AGO1: variants seen among roughly 807,000 people sequenced by gnomAD.
AGO1 encodes protein argonaute-1.
A neutral mutation model predicts 109.2 loss-of-function variants in AGO1; 11 were observed. The ratio of observed to expected loss-of-function variants is 0.10; its 90% confidence interval spans 0.06 to 0.17. AGO1 has a LOEUF of 0.17. AGO1 is among the 10% of genes least tolerant of loss of function. The pLI, the probability that AGO1 is intolerant of heterozygous loss-of-function variation, is 1.00. For missense variants in AGO1, 574 were observed against 1,140.3 expected (o/e 0.50, Z 7.15); for synonymous variants, 422 against 418.6 (o/e 1.01, Z -0.10).
chr1:35,884,301 G>C (rs116078627), intron 1 of AGO1, among the ~76,000 whole-genome samples: 210 of 152,270 alleles, frequency 1.4e-3, no homozygotes, highest in African/African-American at 4.9e-3. Context: ...TGGGACCGAA[G>C]CGATGGGTTC....
chr1:35,895,304 T>G, intron 8 of AGO1, 35 bp downstream of exon 8: 1 of 1,600,286 alleles, frequency 6.2e-7, no homozygotes, highest in Admixed American at 1.7e-5. Context: ...GGAATAGGCA[T>G]TGTATATACC....
rs1447524690 is a variant in AGO1, at chr1:35,895,257, C to T, written c.1008C>T (p.Tyr336=). The change falls in exon 8 of 19, where the codon TAC becomes TAT. Residue 336 remains tyrosine, a synonymous_variant. Coordinates refer to ENST00000373204, the MANE Select transcript of AGO1 (RefSeq NM_012199.5). ...LQVGQEQKHT[Y]LPLEVCNIVA... is the part of the protein sequence containing the mutation. ...TTGGCCAGGAACAAAAGCATACCTA[C>T]CTTCCCCTAGAGGTGAGATTGCCAA... The T allele has an allele frequency of 6.2e-7, 1 of 1,613,262 alleles. No individual in the cohort carries two copies. The highest frequency in any genetic ancestry group is 8.5e-7 in the Non-Finnish European group (1 of 1,179,470).
At chr1:35,905,305 T>G (rs1480218588) in intron 11 of AGO1, among the ~76,000 whole-genome samples, 1 of 152,230 alleles carries the variant, frequency 6.6e-6, no homozygotes, top group Non-Finnish European at 1.5e-5. Context: ...CATGAAACAG[T>G]GGTTAGGTCG....
intron 5 of AGO1, 28 bp from the exon 6 acceptor site, chr1:35,894,009 C>T (rs1457150949): frequency 1.1e-5 from 17 of 1,525,394 alleles, no homozygotes; most frequent in African/African-American, 1.4e-5. Flanking sequence ...AGAACCTGAG[C>T]TGAGCTATCT....
At chr1:35,917,781 T>C in intron 16 of AGO1, 54 bp downstream of exon 16, 2 of 1,583,084 alleles carry the variant, frequency 1.3e-6, no homozygotes, top group East Asian at 2.3e-5. Context: ...CTTATCTTAA[T>C]AGAGAAGAAG....
In AGO1 at chr1:35,893,237, G is replaced by A. The variant is rs771183369; in HGVS notation, c.471G>A (p.Val157=). 2.5e-6 allele frequency: 4 copies of A among 1,614,002 alleles called. No individual in the cohort carries two copies. Among genetic ancestry groups the A allele is most frequent in the Admixed American group, 1.7e-5 (1 of 60,000 alleles). ...SGQIPVPLES[V]QALDVAMRHL... Reference sequence around the variant, plus strand: ...AGATCCCTGTTCCCTTGGAGTCTGTGCAAGCCCTGGATGTGGCCATGAGGC... The same window carrying A: ...AGATCCCTGTTCCCTTGGAGTCTGTACAAGCCCTGGATGTGGCCATGAGGC... Residue 157 remains valine (V), a synonymous_variant, in exon 4 of 19, where the codon GTG becomes GTA. Coordinates refer to ENST00000373204, the MANE Select transcript of AGO1 (RefSeq NM_012199.5). The surrounding 1 kb of genome is among the most constrained non-coding windows in gnomAD (Gnocchi z 5.6).
chr1:35,879,955 T>G (rs1645022395), upstream of AGO1, among the ~76,000 whole-genome samples: 1 of 151,956 alleles, frequency 6.6e-6, no homozygotes, highest in Admixed American at 6.6e-5. Context: ...GTTGAGTATT[T>G]AGAACAGGGG....
chr1:35,906,893 A>T, intron 11 of AGO1, 42 bp from the exon 12 acceptor site: 1 of 1,566,820 alleles, frequency 6.4e-7, no homozygotes, highest in Non-Finnish European at 8.7e-7. Context: ...GAAGAATTCA[A>T]GTGAGACTCA....
At chr1:35,905,793 C>T (rs1317793157) in intron 11 of AGO1, among the ~76,000 whole-genome samples, 1 of 152,072 alleles carries the variant, frequency 6.6e-6, no homozygotes, top group African/African-American at 2.4e-5. Flanking sequence ...CTGATGAGGC[C>T]ACTGTTATGA....
At chr1:35,914,330 A>G in intron 14 of AGO1, 56 bp downstream of exon 14, 1 of 1,426,248 alleles carries the variant, frequency 7.0e-7, no homozygotes, top group Non-Finnish European at 9.9e-7. Context: ...CTGAGTCCTC[A>G]AAACTGCCCA....
At position 35,919,472 on chromosome 1, in the gene AGO1, G is replaced by A. The variant is rs747363107; in HGVS notation, c.2466-27G>A. The A allele has an allele frequency of 5.0e-6, 8 of 1,595,168 alleles. No homozygotes were observed. In the South Asian group the frequency reaches 7.9e-5, roughly 16 times the overall value. On this transcript the variant is annotated intron_variant, in intron 18 of 18. Transcript: ENST00000373204. This position sits in a 1 kb window ranked among gnomAD's most constrained non-coding sequence, Gnocchi z 6.6. ...GCAGCAGCTCTCAGTTCACCAGGAA[G>A]GACTTCTTTCATTTTTTCCTTTTCA... is the stretch of plus-strand genomic sequence containing the variant.
intron 2 of AGO1, among the ~76,000 whole-genome samples, chr1:35,889,584 A>G (rs1269677099): frequency 6.6e-6 from 1 of 152,180 alleles, no homozygotes; most frequent in East Asian, 1.9e-4. Flanking sequence ...CAAATATTAC[A>G]AAAAGAATAA....
In AGO1 at chr1:35,871,033, T is replaced by C. The variant is rs928613731; in HGVS notation, c.-201+1130T>C. 2.0e-5 allele frequency among the ~76,000 whole-genome samples: 3 copies of C among 152,368 alleles called. No homozygotes were observed. The South Asian group carries it at 6.2e-4, about 32-fold the overall frequency. On this transcript the variant is annotated intron_variant, in intron 1 of 18. Coordinates refer to the AGO1 transcript ENST00000373206. The stretch of plus-strand genomic sequence containing the variant: ...ATTTTGCTATTACAAACAGTGCTGC[T>C]AAGAACATTCTTGTGCCTATCTCCT...
intron 8 of AGO1, among the ~76,000 whole-genome samples, chr1:35,900,089 A>G: frequency 6.6e-6 from 1 of 152,184 alleles, no homozygotes; most frequent in East Asian, 1.9e-4. Flanking sequence ...TGTTGGGCCC[A>G]GAACAGATGA....
At chr1:35,882,755 G>C, upstream of AGO1, 2 of 964,352 alleles carry the variant, frequency 2.1e-6, no homozygotes, top group Non-Finnish European at 2.5e-6. The surrounding 1 kb of genome is among the most constrained non-coding windows in gnomAD (Gnocchi z 5.1). Flanking sequence ...CAGTGACTAG[G>C]GACGGAGAAA....
chr1:35,901,725 T>C lies in AGO1; in HGVS notation c.1140+132T>C. ...GCCTAGGACTGTATAAGGCTGCTTT[T>C]GCTTCTTGACCGTATAGCTACTTTG... On this transcript the variant is annotated intron_variant, in intron 9 of 18. Transcript: ENST00000373204. The surrounding 1 kb of genome is among the most constrained non-coding windows in gnomAD (Gnocchi z 4.8). 1.4e-6 allele frequency: 2 copies of C among 1,451,938 alleles called. No homozygotes were observed. The highest frequency in any genetic ancestry group is 2.6e-5 in the South Asian group (2 of 76,576). The allele number at this position is 1,451,938 out of a possible 1,614,324, so 89.9% of individuals were successfully genotyped here.
At chr1:35,871,343 C>G (rs993689433) in intron 1 of AGO1, among the ~76,000 whole-genome samples, 1 of 150,784 alleles carries the variant, frequency 6.6e-6, no homozygotes, top group Non-Finnish European at 1.5e-5. Context: ...ATCAGGAGTT[C>G]GAGACCAGTC....
At chr1:35,905,049 G>A (rs1645494380) in intron 11 of AGO1, among the ~76,000 whole-genome samples, 1 of 152,174 alleles carries the variant, frequency 6.6e-6, no homozygotes, top group Non-Finnish European at 1.5e-5. Context: ...TTTAAGATGG[G>A]ATTTTAGGAC....
chr1:35,892,441 A>C (rs1645237840), intron 2 of AGO1, 116 bp from the exon 3 acceptor site: 1 of 1,326,780 alleles, frequency 7.5e-7, no homozygotes, highest in Admixed American at 1.8e-5. Context: ...ACTGTCATAG[A>C]GTAGATGTTA....
Sources: gnomAD v4.1 joint callset for allele counts (sites outside exome capture counted in the v4.1 genomes callset) on GRCh38, gnomAD v4.1.1 for gene constraint, Gnocchi (gnomAD v3.1) non-coding constraint, MANE v1.5 for transcripts, NCBI Gene and HGNC (gene_info 2026-07-23, HGNC 2026-07-21) for gene names.